Variants in ATF7IP observed in about 807,000 individuals in gnomAD.
ATF7IP encodes the protein activating transcription factor 7-interacting protein 1.
A neutral mutation model predicts 106.4 loss-of-function variants in ATF7IP; 23 were observed. The observed-to-expected ratio is 0.22, with a 90% CI of 0.16 to 0.31. The LOEUF is 0.31. Among genes scored for constraint, ATF7IP ranks in the 10% least tolerant of loss-of-function variants. The pLI, the probability that ATF7IP is intolerant of heterozygous loss-of-function variation, is 1.00. For missense variants in ATF7IP, 1,334 were observed against 1,524.3 expected, an observed-to-expected ratio of 0.88 and a Z score of 2.08; for synonymous variants, 542 against 539.0, an observed-to-expected ratio of 1.01 and a Z score of -0.08.
chr12:14,481,036 T>C lies in ATF7IP; in HGVS notation c.3131T>C (p.Val1044Ala). The C allele has an allele frequency of 6.2e-7, 1 of 1,614,042 alleles. No homozygotes were observed. The highest frequency in any genetic ancestry group is 8.5e-7 in the Non-Finnish European group (1 of 1,179,940). Residue 1044 changes from valine (V) to alanine (A), a missense_variant, in exon 13 of 15, where the codon GTA (valine) becomes GCA (alanine). Val to Ala is a moderately conservative substitution (Grantham distance 64). Coordinates refer to ENST00000261168, the MANE Select transcript of ATF7IP (RefSeq NM_018179.5). ...ACCGTGAATGTAACACATCGTCCAGTAACTCAGGTGACCACAAGACTCCCT... is the reference window on the plus strand; with the variant it reads ...ACCGTGAATGTAACACATCGTCCAGCAACTCAGGTGACCACAAGACTCCCT... ...PTTVNVTHRP[V>A]TQVTTRLPVP...
intron 5 of ATF7IP, among the ~76,000 whole-genome samples, chr12:14,441,525 C>T (rs1469429326): frequency 6.9e-6 from 1 of 145,882 alleles, no homozygotes; most frequent in African/African-American, 2.6e-5. Context: ...AGTCTCCTGC[C>T]AATTCCCAGG....
intron 1 of ATF7IP, chr12:14,420,427 A>G (rs144279199): frequency 0.013 from 2,019 of 152,466 alleles, 20 homozygotes; most frequent in Non-Finnish European, 0.019. Context: ...CAGAAGATCA[A>G]GACCATCCTG....
intron 1 of ATF7IP, among the ~76,000 whole-genome samples, chr12:14,409,679 A>G (rs1319183325): frequency 6.6e-6 from 1 of 152,128 alleles, no homozygotes; most frequent in Admixed American, 6.6e-5. Context: ...CTCATCCAAG[A>G]TGAGGACATA....
intron 1 of ATF7IP, among the ~76,000 whole-genome samples, chr12:14,392,396 G>A (rs1337112276): frequency 2.0e-5 from 3 of 152,178 alleles, no homozygotes; most frequent in African/African-American, 7.2e-5. Context: ...GAATCTCCAA[G>A]TGAAGACTTT....
intron 1 of ATF7IP, among the ~76,000 whole-genome samples, chr12:14,397,117 G>A (rs1041090184): frequency 6.6e-6 from 1 of 152,050 alleles, no homozygotes; most frequent in Non-Finnish European, 1.5e-5. Flanking sequence ...AGCCAAGATC[G>A]CACCATTGCA....
intron 13 of ATF7IP, among the ~76,000 whole-genome samples, chr12:14,483,335 C>CT (rs372265971): frequency 1.5e-3 from 234 of 152,330 alleles, no homozygotes; most frequent in Middle Eastern, 0.01. Flanking sequence ...CATGCATACT[C>CT]TTCCTTACCT....
chr12:14,401,003 G>C (rs1322078300), intron 1 of ATF7IP, among the ~76,000 whole-genome samples: 1 of 151,266 alleles, frequency 6.6e-6, no homozygotes, highest in Non-Finnish European at 1.5e-5. Flanking sequence ...TTTTTATTCT[G>C]AATACTAATC....
intron 13 of ATF7IP, among the ~76,000 whole-genome samples, chr12:14,494,333 A>ATGTGTGTGTGTG (rs1210425478): frequency 5.1e-4 from 44 of 85,998 alleles, no homozygotes; most frequent in African/African-American, 1.4e-3. Context: ...ATATATATAT[A>ATGTGTGTGTGTG]TGTGTGTGTG....
intron 1 of ATF7IP, among the ~76,000 whole-genome samples, chr12:14,407,861 G>T (rs1331172069): frequency 6.6e-6 from 1 of 151,944 alleles, no homozygotes; most frequent in Non-Finnish European, 1.5e-5. Flanking sequence ...AAAAGTATAA[G>T]GCATACTTCC....
At chr12:14,438,411 C>A in intron 5 of ATF7IP, 144 bp downstream of exon 5, 1 of 794,038 alleles carries the variant, frequency 1.3e-6, no homozygotes, top group Non-Finnish European at 1.9e-6. Flanking sequence ...TTTGCCAGGG[C>A]TGCTGTAAAG....
At chr12:14,433,252 A>G (rs1290717410) in intron 2 of ATF7IP, among the ~76,000 whole-genome samples, 1 of 152,048 alleles carries the variant, frequency 6.6e-6, no homozygotes, top group Admixed American at 6.5e-5. Flanking sequence ...TATGCCTGTA[A>G]TCTCAGCACT....
chr12:14,429,578 A>G (rs1301919600), intron 2 of ATF7IP, among the ~76,000 whole-genome samples: 2 of 152,226 alleles, frequency 1.3e-5, no homozygotes, highest in East Asian at 1.9e-4. Flanking sequence ...TAAGGTAAAT[A>G]AAATAAACAT....
At chr12:14,453,310 A>G (rs1265259583) in intron 6 of ATF7IP, among the ~76,000 whole-genome samples, 1 of 151,818 alleles carries the variant, frequency 6.6e-6, no homozygotes, top group African/African-American at 2.4e-5. Context: ...TACTTCCCTT[A>G]TGTGTATATT....
At chr12:14,439,116 TG>T (rs1469514070) in intron 5 of ATF7IP, among the ~76,000 whole-genome samples, 1 of 152,176 alleles carries the variant, frequency 6.6e-6, no homozygotes, top group Non-Finnish European at 1.5e-5. Context: ...TCAGCTGAAA[TG>T]AGCACACAGT....
chr12:14,436,803 G>A (rs538796643), intron 4 of ATF7IP, among the ~76,000 whole-genome samples: 24 of 148,664 alleles, frequency 1.6e-4, no homozygotes, highest in African/African-American at 5.7e-4. Flanking sequence ...TTTAAAAAAG[G>A]TTATGATTAT....
At chr12:14,451,263 T>C (rs1334950800) in intron 6 of ATF7IP, among the ~76,000 whole-genome samples, 1 of 152,132 alleles carries the variant, frequency 6.6e-6, no homozygotes, top group African/African-American at 2.4e-5. Flanking sequence ...TTCATTTCTT[T>C]TCATCTTTAA....
chr12:14,386,583 G>C (rs992738716), intron 1 of ATF7IP, among the ~76,000 whole-genome samples: 9 of 152,120 alleles, frequency 5.9e-5, no homozygotes, highest in Non-Finnish European at 1.3e-4. Context: ...GGATACTTAT[G>C]GTTTCTGCTT....
Position 14,498,130 on chromosome 12 carries a change from T to A in ATF7IP, c.*57T>A. 3 of 1,482,736 alleles carry A rather than the reference T, an allele frequency of 2.0e-6. No homozygotes were observed. Among genetic ancestry groups the A allele is most frequent in the South Asian group, 2.7e-5 (2 of 74,238 alleles). 91.8% of individuals were successfully genotyped at this position (1,482,736 alleles called of 1,614,324 possible). On this transcript the variant is annotated 3_prime_UTR_variant, in exon 15 of 15. Coordinates refer to ENST00000261168, the MANE Select transcript of ATF7IP (RefSeq NM_018179.5). ...AATTTCCACCTTTTGGTCTTGTTTT[T>A]AATCTTGTGCATGATACCCCATGTA... is the stretch of plus-strand genomic sequence containing the variant.
chr12:14,399,504 T>C (rs1220977912), intron 1 of ATF7IP, among the ~76,000 whole-genome samples: 4 of 152,128 alleles, frequency 2.6e-5, no homozygotes, highest in Non-Finnish European at 5.9e-5. Flanking sequence ...ATTTTGCTTA[T>C]TTTAATTTAG....
Sources: gnomAD v4.1 joint callset for allele counts (sites outside exome capture counted in the v4.1 genomes callset) on GRCh38, gnomAD v4.1.1 for gene constraint, MANE v1.5 for transcripts, NCBI Gene and HGNC (gene_info 2026-07-23, HGNC 2026-07-21) for gene names.